The following TCL1B variants were observed in gnomAD, a reference collection of about 807,000 sequenced individuals.
The protein encoded by TCL1B is TCL1 family AKT coactivator B.
In TCL1B, 14 loss-of-function variants were observed where a neutral mutation model predicts 16.9. The observed-to-expected ratio is 0.83, with a 90% confidence interval of 0.55 to 1.30. The LOEUF (loss-of-function observed/expected upper bound fraction) is 1.30, where lower values mean the gene tolerates loss of function less well. Ranked by LOEUF, TCL1B falls within the 50% of genes most tolerant of loss-of-function variation. The pLI, the probability that TCL1B is intolerant of heterozygous loss-of-function variation, is 0.00. For missense variants in TCL1B, 166 were observed against 165.2 expected, an observed-to-expected ratio of 1.00 and a Z score of -0.03; for synonymous variants, 79 against 66.6, an observed-to-expected ratio of 1.19 and a Z score of -0.91.
intron 1 of TCL1B, among the ~76,000 whole-genome samples, chr14:95,688,775 G>A (rs1336675316): frequency 1.3e-5 from 2 of 152,200 alleles, no homozygotes; most frequent in Non-Finnish European, 2.9e-5. Flanking sequence ...AATGAAATAT[G>A]CCAGTCACGG....
At chr14:95,687,874 C>T (rs1885796626) in intron 1 of TCL1B, among the ~76,000 whole-genome samples, 1 of 139,722 alleles carries the variant, frequency 7.2e-6, no homozygotes, top group South Asian at 2.3e-4. Flanking sequence ...ATGGCGTGAA[C>T]CCGGGAGGCG....
Position 95,686,430 on chromosome 14 carries a change from G to A in TCL1B, c.-38G>A, listed in dbSNP as rs183380595. On this transcript the variant is annotated 5_prime_UTR_variant, in exon 1 of 4. The change creates a new upstream start codon in the 5' untranslated region. Transcript: ENST00000340722. ...AGATTGCGCAGCTGGAAAGCTACAC[G>A]TGTGAGCCTAGAGGCGGGTCCCGGT... 61 of 1,564,796 alleles carry A rather than the reference G, an allele frequency of 3.9e-5. No homozygotes were observed. The Admixed American group carries it at 1.1e-3, about 27-fold the overall frequency.
chr14:95,690,300 C>T (rs1329954664), intron 1 of TCL1B, among the ~76,000 whole-genome samples: 1 of 152,186 alleles, frequency 6.6e-6, no homozygotes, highest in Admixed American at 6.5e-5. Flanking sequence ...CTGCTCCCAG[C>T]CTTATTTCGT....
intron 1 of TCL1B, among the ~76,000 whole-genome samples, chr14:95,690,091 C>T (rs556104222): frequency 6.6e-6 from 1 of 152,228 alleles, no homozygotes; most frequent in Non-Finnish European, 1.5e-5. Flanking sequence ...CAGCCTCTAC[C>T]TCCCAGGTTC....
In TCL1B at chr14:95,686,446, G is replaced by T. The variant is rs763518403; in HGVS notation, c.-22G>T. 1.3e-6 allele frequency: 2 copies of T among 1,575,820 alleles called. No individual in the cohort carries two copies. Among genetic ancestry groups the T allele is most frequent in the Non-Finnish European group, 1.7e-6 (2 of 1,162,486 alleles). On this transcript the variant is annotated 5_prime_UTR_variant, in exon 1 of 4. Transcript: ENST00000340722. ...AAGCTACACGTGTGAGCCTAGAGGC[G>T]GGTCCCGGTTGCAGACTTGCCATGG...
In TCL1B at chr14:95,686,483, T is replaced by A. The variant is rs779755389; in HGVS notation, c.16T>A (p.Ser6Thr). MASEA[S>T]VRLGVPPGRL... is the part of the protein sequence containing the mutation. ...CAGACTTGCCATGGCCTCCGAAGCTTCTGTGCGTCTAGGGGTGCCCCCTGG... is the reference window on the plus strand; with the variant it reads ...CAGACTTGCCATGGCCTCCGAAGCTACTGTGCGTCTAGGGGTGCCCCCTGG... The change falls in exon 1 of 4, where the codon TCT becomes ACT. Residue 6 changes from serine to threonine, a missense_variant. Physicochemically the swap from Ser to Thr is moderately conservative, Grantham distance 58. Transcript: ENST00000340722. The A allele has an allele frequency of 8.7e-6, 14 of 1,602,666 alleles. No individual in the cohort carries two copies. In the Admixed American group the frequency reaches 2.0e-4, roughly 23 times the overall value.
intron 1 of TCL1B, among the ~76,000 whole-genome samples, chr14:95,689,983 GC>G (rs1885846103): frequency 6.6e-6 from 1 of 152,068 alleles, no homozygotes; most frequent in Non-Finnish European, 1.5e-5. Context: ...TCCAGTACCA[GC>G]CTAATTTTGT....
chr14:95,686,581 G>C lies in TCL1B; in HGVS notation c.114G>C (p.Arg38=). The change falls in exon 1 of 4, where the codon CGG becomes CGC. Residue 38 remains arginine (R), a synonymous_variant. Transcript: ENST00000340722. ...GAACCTGGGTGACTGTGGTCGTGCG[G>C]TTCAATCCCTCGCGTAGGGAATGGG... ...EGRTWVTVVV[R]FNPSRREWAR... is the part of the protein sequence containing the mutation. The C allele has an allele frequency of 1.9e-6, 3 of 1,613,822 alleles. No individual in the cohort carries two copies. The highest frequency in any genetic ancestry group is 2.5e-6 in the Non-Finnish European group (3 of 1,179,844).
chr14:95,689,050 G>C lies in TCL1B; in HGVS notation c.163-1686G>C, dbSNP rs186591156. On this transcript the variant is annotated intron_variant, in intron 1 of 3. Coordinates refer to ENST00000340722, the MANE Select transcript of TCL1B (RefSeq NM_004918.4). The stretch of plus-strand genomic sequence containing the variant: ...GCCTGTAATCCCAGCACTTTGGGGG[G>C]CCGAGGCGGGCGGATCACAAGGTCA... Among the ~76,000 whole-genome samples the C allele has an allele frequency of 1.9e-3, 284 of 152,274 alleles. 2 individuals carry two copies. Among genetic ancestry groups the C allele is most frequent in the African/African-American group, 6.2e-3 (256 of 41,572 alleles).
rs140248845 is a variant in TCL1B, at chr14:95,690,801, C to T, written c.228C>T (p.Ser76=). 3.2e-4 allele frequency: 518 copies of T among 1,614,240 alleles called. 8 individuals carry two copies. The South Asian group carries it at 5.1e-3, about 16-fold the overall frequency. Residue 76 remains serine, a synonymous_variant, in exon 2 of 4, where the codon TCC becomes TCT. Coordinates refer to ENST00000340722, the MANE Select transcript of TCL1B (RefSeq NM_004918.4). The stretch of plus-strand genomic sequence containing the variant: ...TGCATACCCGGGAGCTACTCTCCTC[C>T]GGCCAGATGCCCTTCTCCCAGCTGC... ...MAVHTRELLS[S]GQMPFSQLPA...
Position 95,691,414 on chromosome 14 carries a change from C to T in TCL1B, c.*15+78C>T, listed in dbSNP as rs1885883655. 9 of 1,353,712 alleles carry T rather than the reference C, an allele frequency of 6.6e-6. No individual in the cohort carries two copies. The East Asian group carries it at 9.4e-5, about 14-fold the overall frequency. The allele number at this position is 1,353,712 out of a possible 1,614,324, so 83.9% of individuals were successfully genotyped here. ...ACCTCTCCTCTTTTCAGAAAGACGG[C>T]GTGGCCTCCTCCTCCCTGCTGTTTG... On this transcript the variant is annotated intron_variant, in intron 3 of 3. Coordinates refer to ENST00000340722, the MANE Select transcript of TCL1B (RefSeq NM_004918.4).
chr14:95,686,707 C>A, intron 1 of TCL1B, 78 bp downstream of exon 1: 1 of 1,466,120 alleles, frequency 6.8e-7, no homozygotes, highest in East Asian at 2.4e-5. Context: ...CGGTGGGGGT[C>A]AGAGGGGGCC....
At chr14:95,690,380 C>T (rs997466423) in intron 1 of TCL1B, among the ~76,000 whole-genome samples, 1 of 8,272 alleles carries the variant, frequency 1.2e-4, no homozygotes, top group Middle Eastern at 0.5. Context: ...ATCTATCACC[C>T]TCAGATCCAG....
chr14:95,686,948 G>A (rs1046474863), intron 1 of TCL1B, among the ~76,000 whole-genome samples: 1 of 152,220 alleles, frequency 6.6e-6, no homozygotes, highest in Admixed American at 6.5e-5. Flanking sequence ...TATTGAGCTG[G>A]GCTTTGTGGG....
intron 1 of TCL1B, 73 bp from the exon 2 acceptor site, chr14:95,690,663 C>T (rs1368033789): frequency 6.6e-7 from 1 of 1,510,312 alleles, no homozygotes; most frequent in Non-Finnish European, 9.1e-7. Context: ...AGCCCACTGG[C>T]CATTGCTTGT....
chr14:95,689,356 G>C (rs1399592638), intron 1 of TCL1B: 6 of 151,414 alleles, frequency 4.0e-5, no homozygotes, highest in African/African-American at 1.5e-4. Flanking sequence ...AGTGGAAATA[G>C]AATGGATTCT....
chr14:95,690,935 C>T (rs368270101), intron 2 of TCL1B, 29 bp downstream of exon 2: 23 of 1,604,374 alleles, frequency 1.4e-5, no homozygotes, highest in Middle Eastern at 3.3e-4. Flanking sequence ...TAGGTGAAAG[C>T]GACAGGTGGC....
At chr14:95,687,386 G>T (rs1244900035) in intron 1 of TCL1B, among the ~76,000 whole-genome samples, 1 of 152,150 alleles carries the variant, frequency 6.6e-6, no homozygotes, top group Non-Finnish European at 1.5e-5. Flanking sequence ...ACCGACTGTG[G>T]ATGCTCAAGT....
At chr14:95,691,012 C>T in intron 2 of TCL1B, 106 bp downstream of exon 2, 9 of 1,353,994 alleles carry the variant, frequency 6.6e-6, no homozygotes, top group South Asian at 1.4e-5. Flanking sequence ...TGTCTGTCCT[C>T]TTCCTGTTGC....
Sources: allele counts gnomAD v4.1 joint callset (sites outside exome capture counted in the v4.1 genomes callset), GRCh38; gene constraint gnomAD v4.1.1; transcripts MANE v1.5; gene names NCBI Gene and HGNC (gene_info 2026-07-23, HGNC 2026-07-21).